AP4E1: variants seen among roughly 807,000 people sequenced by gnomAD.
The protein encoded by AP4E1 is adaptor related protein complex 4 subunit epsilon 1.
A neutral mutation model predicts 128.2 loss-of-function variants in AP4E1; 56 were observed. The ratio of observed to expected loss-of-function variants is 0.44; its 90% CI spans 0.35 to 0.55. AP4E1 has a LOEUF of 0.55. Ranked by LOEUF, AP4E1 falls within the 20% of genes least tolerant of loss-of-function variation. The pLI is 0.00. For missense variants in AP4E1, 1,324 were observed against 1,307.7 expected (o/e 1.01, Z -0.19); for synonymous variants, 484 against 473.1 (o/e 1.02, Z -0.30).
chr15:50,923,979 T>G lies in AP4E1; in HGVS notation c.395T>G (p.Leu132Arg). The change falls in exon 4 of 21, where the codon CTT becomes CGT. Residue 132 changes from leucine to arginine, a missense_variant. Coordinates refer to ENST00000261842, the MANE Select transcript of AP4E1 (RefSeq NM_007347.5). ...CTACATGAAAGTCATGAATTATTGCTTCTCCTTGTGAATACAGTTGTAAAG... is the reference window on the plus strand; with the variant it reads ...CTACATGAAAGTCATGAATTATTGCGTCTCCTTGTGAATACAGTTGTAAAG... ...LFLHESHELL[L>R]LLVNTVVKDL... 6.2e-7 allele frequency: 1 copy of G among 1,611,778 alleles called. No individual in the cohort carries two copies. Among genetic ancestry groups the G allele is most frequent in the East Asian group, 2.2e-5 (1 of 44,716 alleles).
At chr15:50,930,576 C>T (rs533907710) in intron 6 of AP4E1, among the ~76,000 whole-genome samples, 17 of 151,958 alleles carry the variant, frequency 1.1e-4, no homozygotes, top group African/African-American at 3.9e-4. Flanking sequence ...AAACTGTATA[C>T]GGGGAAAAGT....
rs1256753559 is a variant in AP4E1, at chr15:50,908,694, AGGCCGGGCCGGCAGCGGC to A, written c.-76_-59del. The A allele has an allele frequency of 1.5e-6, 2 of 1,369,306 alleles. No homozygotes were observed. The highest frequency in any genetic ancestry group is 1.9e-6 in the Non-Finnish European group (2 of 1,057,980). The allele number at this position is 1,369,306 out of a possible 1,614,324, so 84.8% of individuals were successfully genotyped here. On this transcript the variant is annotated 5_prime_UTR_variant, in exon 1 of 21. Transcript: ENST00000261842. Reference sequence around the variant, plus strand: ...TTCAAAAAACAGGAAGTGCCTACGGAGGCCGGGCCGGCAGCGGCGGCCGGGCATGAAGCCGGGCGGCTA... The same window carrying A: ...TTCAAAAAACAGGAAGTGCCTACGGAGGCCGGGCATGAAGCCGGGCGGCTA...
At chr15:50,925,780 C>A (rs981801621) in intron 5 of AP4E1, among the ~76,000 whole-genome samples, 16 of 149,682 alleles carry the variant, frequency 1.1e-4, no homozygotes, top group African/African-American at 3.9e-4. Flanking sequence ...CAGGTGCCTG[C>A]CACCATGCCC....
In AP4E1 at chr15:51,002,819, T is replaced by C. The variant is rs374649298; in HGVS notation, c.*157T>C. The stretch of plus-strand genomic sequence containing the variant: ...CTTTGTGATTCCTGGTCAAGAAAGA[T>C]CCCCAAAACTGTATCCCTAACCTTT... On this transcript the variant is annotated 3_prime_UTR_variant, in exon 21 of 21. Coordinates refer to ENST00000261842, the MANE Select transcript of AP4E1 (RefSeq NM_007347.5). The C allele has an allele frequency of 5.4e-6, 5 of 931,886 alleles. No homozygotes were observed. Among genetic ancestry groups the C allele is most frequent in the African/African-American group, 4.9e-5 (3 of 60,820 alleles). 57.7% of individuals were successfully genotyped at this position (931,886 alleles called of 1,614,324 possible).
At chr15:50,944,971 C>T in intron 10 of AP4E1, 1 of 765,368 alleles carries the variant, frequency 1.3e-6, no homozygotes. Flanking sequence ...TGTATCCATA[C>T]AATACAAGCA....
chr15:50,991,541 A>G (rs2064806900), intron 16 of AP4E1, among the ~76,000 whole-genome samples: 1 of 151,994 alleles, frequency 6.6e-6, no homozygotes, highest in Non-Finnish European at 1.5e-5. Context: ...GGTTTATTAT[A>G]TAACTTTTTT....
intron 3 of AP4E1, among the ~76,000 whole-genome samples, chr15:50,919,472 C>T (rs989639059): frequency 5.3e-5 from 8 of 151,476 alleles, no homozygotes; most frequent in Non-Finnish European, 8.8e-5. Context: ...GCGGAGGTTG[C>T]GGTGAGCTGA....
intron 7 of AP4E1, among the ~76,000 whole-genome samples, chr15:50,932,925 G>A (rs1029970138): frequency 2.0e-5 from 3 of 152,118 alleles, no homozygotes; most frequent in African/African-American, 7.2e-5. Flanking sequence ...TCTAGTTGGA[G>A]TTACTGGAAT....
intron 17 of AP4E1, 115 bp from the exon 18 acceptor site, chr15:50,997,211 A>G: frequency 6.4e-6 from 6 of 934,310 alleles, no homozygotes; most frequent in Non-Finnish European, 7.7e-6. Flanking sequence ...TTTATTCTTT[A>G]TAGATAGAAC....
intron 13 of AP4E1, among the ~76,000 whole-genome samples, chr15:50,958,144 G>T (rs185595840): frequency 2.6e-5 from 4 of 152,112 alleles, no homozygotes; most frequent in African/African-American, 9.7e-5. Flanking sequence ...ACTACGTGTA[G>T]TAAGAACCAT....
At chr15:50,971,929 C>A (rs4438254) in intron 15 of AP4E1, among the ~76,000 whole-genome samples, 65,109 of 151,724 alleles carry the variant, frequency 0.43, 14,195 homozygotes, top group East Asian at 0.59. Flanking sequence ...ATTTTGAATT[C>A]CTTTTCTGGA....
rs1419630030 is a variant in AP4E1 at position 50,993,373 on chromosome 15, A to G, written c.2094A>G (p.Thr698=). The G allele has an allele frequency of 1.9e-6, 3 of 1,613,774 alleles. No homozygotes were observed. The highest frequency in any genetic ancestry group is 1.3e-5 in the African/African-American group (1 of 74,928). ...GNSAETGLKE[T]NSLKLEGIKK... ...ATTTTATTATCAACCTCCTTAGGAC[A>G]AATAGCTTGAAGCTGGAAGGTATAA... is the stretch of plus-strand genomic sequence containing the variant. Residue 698 remains threonine, a synonymous_variant, in exon 17 of 21, where the codon ACA becomes ACG. Coordinates refer to ENST00000261842, the MANE Select transcript of AP4E1 (RefSeq NM_007347.5).
intron 8 of AP4E1, among the ~76,000 whole-genome samples, chr15:50,936,284 C>T (rs895023937): frequency 1.2e-4 from 18 of 151,372 alleles, no homozygotes; most frequent in African/African-American, 4.1e-4. Context: ...TTTTTGTTTG[C>T]GATGTAACCA....
chr15:50,941,328 A>T (rs1447894677), intron 8 of AP4E1, 114 bp from the exon 9 acceptor site: 2 of 1,207,252 alleles, frequency 1.7e-6, no homozygotes, highest in Non-Finnish European at 2.4e-6. Flanking sequence ...GTCCATAAAT[A>T]AGATTTCTGA....
At chr15:50,968,446 GTAAA>G (rs1046265247) in intron 15 of AP4E1, 69 bp downstream of exon 15, 102 of 1,079,304 alleles carry the variant, frequency 9.5e-5, no homozygotes, top group African/African-American at 6.5e-4. Flanking sequence ...AGTCATGTAA[GTAAA>G]TAAATAAAGA....
chr15:50,948,117 T>A lies in AP4E1; in HGVS notation c.1274T>A (p.Val425Asp). The change falls in exon 11 of 21, where the codon GTC becomes GAC. Residue 425 changes from valine to aspartate, a missense_variant. Physicochemically the swap from Val to Asp is radical, Grantham distance 152 (BLOSUM62 -3). Coordinates refer to ENST00000261842, the MANE Select transcript of AP4E1 (RefSeq NM_007347.5). ...EYLHQSKEEY[V>D]IVNLVGKIAE... The stretch of plus-strand genomic sequence containing the variant: ...TTACATCAGAGCAAAGAAGAGTATG[T>A]CATCGTCAATTTGGTCGGCAAAATA... 1 of 1,613,982 alleles carries A rather than the reference T, an allele frequency of 6.2e-7. No homozygotes were observed. The highest frequency in any genetic ancestry group is 8.5e-7 in the Non-Finnish European group (1 of 1,179,936).
intron 15 of AP4E1, among the ~76,000 whole-genome samples, chr15:50,978,219 A>G (rs1008523473): frequency 6.6e-6 from 1 of 152,188 alleles, no homozygotes; most frequent in Non-Finnish European, 1.5e-5. Context: ...GCATTTCAGA[A>G]TCTGTGGATT....
intron 17 of AP4E1, among the ~76,000 whole-genome samples, chr15:50,993,967 C>A (rs184455186): frequency 6.6e-6 from 1 of 152,298 alleles, no homozygotes; most frequent in Admixed American, 6.5e-5. Context: ...GAATAATAAT[C>A]GTTCAACAGT....
chr15:50,922,824 C>T (rs540174761), intron 3 of AP4E1, among the ~76,000 whole-genome samples: 3 of 150,300 alleles, frequency 2.0e-5, no homozygotes, highest in South Asian at 2.1e-4. Context: ...GTCGTCTGGT[C>T]TGGAGTGCAG....
Sources: gnomAD v4.1 joint callset for allele counts (sites outside exome capture counted in the v4.1 genomes callset) on GRCh38, gnomAD v4.1.1 for gene constraint, MANE v1.5 for transcripts, NCBI Gene and HGNC (gene_info 2026-07-23, HGNC 2026-07-21) for gene names.